Variants in SLC9A9 observed in about 807,000 individuals in gnomAD.
The protein encoded by SLC9A9 is sodium/hydrogen exchanger 9.
Under a neutral mutation model 77.8 loss-of-function variants are expected in SLC9A9, and 62 were observed. That is an observed-to-expected ratio of 0.80 (90% CI 0.65 to 0.98). The LOEUF (loss-of-function observed/expected upper bound fraction) is 0.98, where lower values mean the gene tolerates loss of function less well. SLC9A9 is among the 50% of genes least tolerant of loss of function. The pLI is 0.00. For missense variants in SLC9A9, 775 were observed against 774.9 expected (o/e 1.00, Z 0.00); for synonymous variants, 320 against 283.5 (o/e 1.13, Z -1.29).
intron 12 of SLC9A9, among the ~76,000 whole-genome samples, chr3:143,407,229 T>C (rs747004743): frequency 1.8e-4 from 27 of 152,144 alleles, no homozygotes; most frequent in Non-Finnish European, 3.7e-4. Flanking sequence ...TTCTTACCTA[T>C]ATGGCAAAAA....
intron 14 of SLC9A9, among the ~76,000 whole-genome samples, chr3:143,287,101 TTG>T (rs3032423): frequency 0.045 from 6,659 of 148,814 alleles, 165 homozygotes; most frequent in South Asian, 0.073. Context: ...CTGGTCCCAC[TTG>T]TGTGTGTGTG....
intron 12 of SLC9A9, among the ~76,000 whole-genome samples, chr3:143,447,567 C>T (rs1254928572): frequency 6.6e-6 from 1 of 152,126 alleles, no homozygotes; most frequent in Non-Finnish European, 1.5e-5. Context: ...GGTGTTCCTG[C>T]TAACTTCCTA....
At chr3:143,334,988 G>A (rs986657902) in intron 14 of SLC9A9, among the ~76,000 whole-genome samples, 1 of 151,812 alleles carries the variant, frequency 6.6e-6, no homozygotes, top group African/African-American at 2.4e-5. Flanking sequence ...CACCCATATT[G>A]GAAAGGAAGA....
intron 4 of SLC9A9, among the ~76,000 whole-genome samples, chr3:143,775,312 G>T (rs1461849169): frequency 6.6e-6 from 1 of 152,136 alleles, no homozygotes; most frequent in East Asian, 1.9e-4. Context: ...CCTTACCTGG[G>T]ACACTGGAGA....
At chr3:143,503,470 G>T in intron 9 of SLC9A9, 1 of 372,720 alleles carries the variant, frequency 2.7e-6, no homozygotes. Context: ...GCCCTTGAGG[G>T]GACCCTCCAA....
At chr3:143,303,988 A>C (rs532933669) in intron 14 of SLC9A9, among the ~76,000 whole-genome samples, 1 of 152,374 alleles carries the variant, frequency 6.6e-6, no homozygotes, top group South Asian at 2.1e-4. Context: ...CTGGACATTT[A>C]CTGGCACAGA....
chr3:143,621,846 CA>C (rs2038219448), intron 6 of SLC9A9, among the ~76,000 whole-genome samples: 1 of 151,774 alleles, frequency 6.6e-6, no homozygotes, highest in Non-Finnish European at 1.5e-5. Flanking sequence ...GAACCCATGG[CA>C]AAAAAGTTAA....
intron 4 of SLC9A9, among the ~76,000 whole-genome samples, chr3:143,731,290 A>G (rs1023648574): frequency 6.6e-6 from 1 of 152,232 alleles, no homozygotes; most frequent in Non-Finnish European, 1.5e-5. Context: ...AAGGTTGCTG[A>G]GTAGGCCTCT....
chr3:143,786,537 A>T (rs1224090281), intron 4 of SLC9A9, among the ~76,000 whole-genome samples: 2 of 152,062 alleles, frequency 1.3e-5, no homozygotes, highest in African/African-American at 4.8e-5. Flanking sequence ...ATCTCTGATG[A>T]TCTCCACAGT....
Position 143,778,037 on chromosome 3 carries a change from C to CAAAA in SLC9A9, c.533+16960_533+16963dup, listed in dbSNP as rs748982877. Among the ~76,000 whole-genome samples, 6 of 75,562 alleles carry CAAAA rather than the reference C, an allele frequency of 7.9e-5. 1 individual carries two copies. The highest frequency in any genetic ancestry group is 1.5e-4 in the African/African-American group (3 of 19,918). The allele number at this position is 75,562 out of a possible 152,430, so 49.6% of individuals were successfully genotyped here. On this transcript the variant is annotated intron_variant, in intron 4 of 15. Transcript: ENST00000316549. ...CCGTCACTGATACTTTTATAAAATG[C>CAAAA]AAAAAAAAAAAAAAAGATGCTGAAT... is the stretch of plus-strand genomic sequence containing the variant.
intron 6 of SLC9A9, among the ~76,000 whole-genome samples, chr3:143,586,160 G>A (rs1470131694): frequency 1.3e-5 from 2 of 152,256 alleles, no homozygotes; most frequent in Non-Finnish European, 2.9e-5. Flanking sequence ...GATGGGGTGG[G>A]GGCGGGGGAA....
chr3:143,486,748 T>A (rs539668044), intron 11 of SLC9A9, among the ~76,000 whole-genome samples: 1 of 152,052 alleles, frequency 6.6e-6, no homozygotes, highest in South Asian at 2.1e-4. Context: ...AAGTGTAATC[T>A]CCATGGTAAC....
chr3:143,552,381 G>T lies in SLC9A9; in HGVS notation c.1070C>A (p.Ser357Tyr). Residue 357 changes from serine (S) to tyrosine (Y), a missense_variant, in exon 9 of 16, where the codon TCC (serine) becomes TAC (tyrosine). Coordinates refer to ENST00000316549, the MANE Select transcript of SLC9A9 (RefSeq NM_173653.4). ...HYTYNNLSSD[S>Y]KIRTKQLFEF... is the part of the protein sequence containing the mutation. ...TTTTACCTGTTTAGTTCTTATTTTG[G>T]AATCCGAAGACAGATTGTTGTAGGT... The T allele has an allele frequency of 6.2e-7, 1 of 1,612,178 alleles. No individual in the cohort carries two copies. Among genetic ancestry groups the T allele is most frequent in the Non-Finnish European group, 8.5e-7 (1 of 1,179,188 alleles).
intron 6 of SLC9A9, among the ~76,000 whole-genome samples, chr3:143,601,892 C>A (rs1317898367): frequency 8.6e-5 from 13 of 151,084 alleles, no homozygotes; most frequent in Admixed American, 8.6e-4. Context: ...GTTCCAACAT[C>A]CCCCCTCTAC....
intron 4 of SLC9A9, among the ~76,000 whole-genome samples, chr3:143,770,801 A>T (rs192012823): frequency 1.3e-5 from 2 of 152,332 alleles, no homozygotes; most frequent in East Asian, 3.9e-4. Flanking sequence ...CAAAAGACTA[A>T]ACTCATAGAC....
At chr3:143,625,601 T>C (rs1246815686) in intron 6 of SLC9A9, among the ~76,000 whole-genome samples, 2 of 152,172 alleles carry the variant, frequency 1.3e-5, no homozygotes, top group Non-Finnish European at 2.9e-5. Context: ...TTATACCTTA[T>C]ACAAAAATTA....
At chr3:143,311,971 G>A (rs1046047359) in intron 14 of SLC9A9, among the ~76,000 whole-genome samples, 2 of 152,208 alleles carry the variant, frequency 1.3e-5, no homozygotes, top group African/African-American at 4.8e-5. Flanking sequence ...TTAGATTTTT[G>A]TGAGATAGAA....
chr3:143,527,242 T>C lies in SLC9A9; in HGVS notation c.1089+25120A>G, dbSNP rs2036422918. 2.6e-5 allele frequency among the ~76,000 whole-genome samples: 4 copies of C among 152,356 alleles called. No homozygotes were observed. The South Asian group carries it at 8.3e-4, about 32-fold the overall frequency. On this transcript the variant is annotated intron_variant, in intron 9 of 15. Transcript: ENST00000316549. ...ATGTAATGTATCTCCACTGTTCTTC[T>C]TCAAGCTTTACGGTAAGATTCATAA...
At chr3:143,366,492 T>G (rs575660193) in intron 13 of SLC9A9, among the ~76,000 whole-genome samples, 1 of 152,362 alleles carries the variant, frequency 6.6e-6, no homozygotes, top group East Asian at 1.9e-4. Context: ...GACATTCTAT[T>G]AATAGACTAC....
Sources: gnomAD v4.1 joint callset for allele counts (sites outside exome capture counted in the v4.1 genomes callset) on GRCh38, gnomAD v4.1.1 for gene constraint, MANE v1.5 for transcripts, NCBI Gene and HGNC (gene_info 2026-07-23, HGNC 2026-07-21) for gene names.